The following SLC4A4 variants were observed in gnomAD, a reference collection of about 807,000 sequenced individuals.
SLC4A4 encodes the protein solute carrier family 4 member 4.
SLC4A4 carries 27 observed loss-of-function variants against 111.5 expected under a neutral mutation model. The ratio of observed to expected loss-of-function variants is 0.24; its 90% CI spans 0.18 to 0.33. SLC4A4 has a LOEUF of 0.33. Among genes scored for constraint, SLC4A4 ranks in the 10% least tolerant of loss-of-function variants. The pLI is 1.00. For missense variants in SLC4A4, 909 were observed against 1,315.5 expected, an observed-to-expected ratio of 0.69 and a Z score of 4.78; for synonymous variants, 443 against 463.4, an observed-to-expected ratio of 0.96 and a Z score of 0.57.
rs537175573 is a variant in SLC4A4 at position 71,383,383 on chromosome 4, C to T, written c.731-14194C>T. 5.3e-5 allele frequency among the ~76,000 whole-genome samples: 8 copies of T among 152,250 alleles called. No individual in the cohort carries two copies. The South Asian group carries it at 1.7e-3, about 32-fold the overall frequency. On this transcript the variant is annotated intron_variant, in intron 6 of 25. Coordinates refer to ENST00000264485, the MANE Select transcript of SLC4A4 (RefSeq NM_001098484.3). ...TCCTAGAAGCTCTTGTATTGGTTTGCCTAAAGTCATCACATACCCTCTGTA... is the reference window on the plus strand; with the variant it reads ...TCCTAGAAGCTCTTGTATTGGTTTGTCTAAAGTCATCACATACCCTCTGTA...
intron 5 of SLC4A4, among the ~76,000 whole-genome samples, chr4:71,355,622 C>T (rs1425264714): frequency 6.6e-6 from 1 of 152,202 alleles, no homozygotes; most frequent in Non-Finnish European, 1.5e-5. Context: ...ATCCTGGATT[C>T]AGCCTCTGCT....
At chr4:71,330,590 G>A (rs1481187851) in intron 3 of SLC4A4, among the ~76,000 whole-genome samples, 1 of 151,972 alleles carries the variant, frequency 6.6e-6, no homozygotes, top group East Asian at 1.9e-4. Context: ...AATTCAAGAT[G>A]GATTAAAAAC....
At chr4:71,087,755 C>G (rs149780791) in intron 1 of SLC4A4, among the ~76,000 whole-genome samples, 2,163 of 152,194 alleles carry the variant, frequency 0.014, 83 homozygotes, top group African/African-American at 0.05. Flanking sequence ...TTCGATTGCA[C>G]TGTGGTCTGA....
chr4:71,080,276 C>T (rs1229196743), intron 1 of SLC4A4, among the ~76,000 whole-genome samples: 1 of 152,066 alleles, frequency 6.6e-6, no homozygotes, highest in Non-Finnish European at 1.5e-5. Flanking sequence ...CATATGCCCT[C>T]TCCTGGAGTC....
intron 4 of SLC4A4, among the ~76,000 whole-genome samples, chr4:71,347,413 T>A (rs1396839322): frequency 6.6e-6 from 1 of 152,002 alleles, no homozygotes; most frequent in Non-Finnish European, 1.5e-5. Context: ...GGCTGGGAGG[T>A]CCAAGATCAA....
At chr4:71,241,096 G>T (rs1371357835) in intron 2 of SLC4A4, among the ~76,000 whole-genome samples, 1 of 152,114 alleles carries the variant, frequency 6.6e-6, no homozygotes, top group Non-Finnish European at 1.5e-5. Flanking sequence ...TCCAGCCTGG[G>T]TGACAGAGTG....
chr4:71,458,599 A>G (rs557224998), intron 12 of SLC4A4, among the ~76,000 whole-genome samples: 3 of 152,114 alleles, frequency 2.0e-5, no homozygotes, highest in Admixed American at 6.6e-5. Context: ...CTTGTCTCAT[A>G]ATAAGGAACA....
intron 18 of SLC4A4, among the ~76,000 whole-genome samples, chr4:71,535,808 C>G (rs561534003): frequency 6.6e-6 from 1 of 151,618 alleles, no homozygotes; most frequent in African/African-American, 2.4e-5. Context: ...TCATAAAGCA[C>G]GAAAACAAGT....
intron 2 of SLC4A4, among the ~76,000 whole-genome samples, chr4:71,147,672 A>G (rs10938135): frequency 0.75 from 114,247 of 152,102 alleles, 44,139 homozygotes; most frequent in Admixed American, 0.85. Context: ...GACATGGAAC[A>G]TCACATTTCA....
At chr4:71,088,217 C>T (rs184110077) in intron 1 of SLC4A4, among the ~76,000 whole-genome samples, 14 of 149,606 alleles carry the variant, frequency 9.4e-5, no homozygotes, top group Non-Finnish European at 1.3e-4. Flanking sequence ...ATCAGAGACT[C>T]GGATTGCAAT....
intron 2 of SLC4A4, among the ~76,000 whole-genome samples, chr4:71,139,054 A>AC (rs1161167354): frequency 5.9e-5 from 9 of 151,532 alleles, no homozygotes; most frequent in Non-Finnish European, 1.0e-4. Flanking sequence ...AAAAAAAAAA[A>AC]AAAAAGAATC....
chr4:71,264,729 C>A (rs1459762417), intron 3 of SLC4A4, among the ~76,000 whole-genome samples: 2 of 151,940 alleles, frequency 1.3e-5, no homozygotes, highest in African/African-American at 4.8e-5. Context: ...CTGCTGAATG[C>A]CACAAACAAC....
chr4:71,300,564 G>A lies in SLC4A4; in HGVS notation c.254-38806G>A, dbSNP rs138808055. On this transcript the variant is annotated intron_variant, in intron 3 of 25. Transcript: ENST00000264485. ...CTAGATTCAGGAGCACACCAAAGGT[G>A]TAGAGGAAGACATTCTGAAGTGCCA... 569 of 277,414 alleles carry A rather than the reference G, an allele frequency of 2.1e-3. 2 individuals carry two copies. Among genetic ancestry groups the A allele is most frequent in the African/African-American group, 9.7e-3 (433 of 44,476 alleles). 17.2% of individuals were successfully genotyped at this position (277,414 alleles called of 1,614,324 possible).
intron 7 of SLC4A4, among the ~76,000 whole-genome samples, chr4:71,434,040 T>C (rs1302091770): frequency 6.6e-6 from 1 of 152,032 alleles, no homozygotes; most frequent in Non-Finnish European, 1.5e-5. Context: ...TGAGAAACAA[T>C]ACTATATCAT....
chr4:71,158,449 G>A (rs1241582863), intron 2 of SLC4A4, among the ~76,000 whole-genome samples: 1 of 152,136 alleles, frequency 6.6e-6, no homozygotes, highest in African/African-American at 2.4e-5. Context: ...AAGCTGGAAT[G>A]TTTCTCAAAG....
At chr4:71,233,244 A>G in intron 1 of SLC4A4, 5 of 979,578 alleles carry the variant, frequency 5.1e-6, no homozygotes, top group Non-Finnish European at 6.1e-6. Flanking sequence ...ATATTTACTG[A>G]ATGAATGAAT....
chr4:71,183,479 A>G (rs928449931), upstream of SLC4A4, among the ~76,000 whole-genome samples: 4 of 152,236 alleles, frequency 2.6e-5, no homozygotes, highest in African/African-American at 9.6e-5. Context: ...TTATAAATCT[A>G]GATTAGTTGA....
intron 8 of SLC4A4, among the ~76,000 whole-genome samples, chr4:71,441,471 C>G (rs1001326493): frequency 4.7e-5 from 7 of 150,428 alleles, no homozygotes; most frequent in Non-Finnish European, 4.4e-5. Flanking sequence ...AACTTGTAGT[C>G]TTCAGGTTGA....
At position 71,348,213 on chromosome 4, in the gene SLC4A4, A is replaced by G. The variant is rs73826269; in HGVS notation, c.390-1699A>G. ...CTTTTACAGTTTTGGTTAAACCCAT[A>G]GAATTCTTTGAGTGTGATATAAAAT... On this transcript the variant is annotated intron_variant, in intron 4 of 25. Coordinates refer to ENST00000264485, the MANE Select transcript of SLC4A4 (RefSeq NM_001098484.3). Among the ~76,000 whole-genome samples the G allele has an allele frequency of 7.9e-3, 1,200 of 152,200 alleles. 17 individuals carry two copies. The highest frequency in any genetic ancestry group is 0.026 in the African/African-American group (1,062 of 41,538).
Sources: gnomAD v4.1 joint callset for allele counts (sites outside exome capture counted in the v4.1 genomes callset) on GRCh38, gnomAD v4.1.1 for gene constraint, MANE v1.5 for transcripts, NCBI Gene and HGNC (gene_info 2026-07-23, HGNC 2026-07-21) for gene names.